FXN: variants seen among roughly 807,000 people sequenced by gnomAD.
FXN encodes frataxin, also known as frataxin, mitochondrial.
In FXN, 14 loss-of-function variants were observed where a neutral mutation model predicts 22.4. That is an observed-to-expected ratio of 0.62 (90% CI 0.41 to 0.98). The LOEUF (loss-of-function observed/expected upper bound fraction) is 0.98. FXN is among the 50% of genes least tolerant of loss of function. The pLI is 0.00. For synonymous variants in FXN, 120 were observed against 114.1 expected (o/e 1.05, Z -0.33); for missense variants, 267 against 268.4 (o/e 0.99, Z 0.04).
At chr9:69,058,341 C>T (rs1201041010) in intron 3 of FXN, among the ~76,000 whole-genome samples, 1 of 152,184 alleles carries the variant, frequency 6.6e-6, no homozygotes, top group Non-Finnish European at 1.5e-5. Flanking sequence ...CTAGTAAAAT[C>T]TGCCTGGAGA....
At chr9:69,070,579 G>A (rs1278804291) in intron 4 of FXN, among the ~76,000 whole-genome samples, 1 of 152,208 alleles carries the variant, frequency 6.6e-6, no homozygotes, top group Admixed American at 6.5e-5. Context: ...CAGTGCTGCT[G>A]CCTTTAAAGC....
chr9:69,073,964 A>G lies in FXN; in HGVS notation c.*1202A>G. On this transcript the variant is annotated 3_prime_UTR_variant, in exon 5 of 5. Coordinates refer to ENST00000484259, the MANE Select transcript of FXN (RefSeq NM_000144.5). ...TTTTGGAGGCCAAGGTGGGTGGATC[A>G]CCTGAGGTCAGGAGTTCAAGACCAG... The G allele has an allele frequency of 1.4e-6, 1 of 698,566 alleles. No homozygotes were observed. The highest frequency in any genetic ancestry group is 1.8e-6 in the Non-Finnish European group (1 of 568,542). 43.3% of individuals were successfully genotyped at this position (698,566 alleles called of 1,614,324 possible).
At chr9:69,038,711 G>A (rs531080693) in intron 1 of FXN, among the ~76,000 whole-genome samples, 44 of 151,688 alleles carry the variant, frequency 2.9e-4, no homozygotes, top group Admixed American at 9.2e-4. Flanking sequence ...CCAGCTACTC[G>A]GGAGGCTGAG....
chr9:69,044,303 G>A (rs1051021441), intron 1 of FXN, among the ~76,000 whole-genome samples: 1 of 152,152 alleles, frequency 6.6e-6, no homozygotes, highest in Non-Finnish European at 1.5e-5. Flanking sequence ...TCAAGCAGAT[G>A]GAGAACACTG....
intron 3 of FXN, among the ~76,000 whole-genome samples, chr9:69,061,572 GGTTA>G: frequency 6.6e-6 from 1 of 151,972 alleles, no homozygotes; most frequent in South Asian, 2.1e-4. Context: ...ACAATGTGCA[GGTTA>G]GTTACATATG....
chr9:69,076,059 T>C lies in FXN; in HGVS notation c.*3297T>C. The C allele has an allele frequency of 3.0e-6, 3 of 984,256 alleles. No individual in the cohort carries two copies. Among genetic ancestry groups the C allele is most frequent in the Non-Finnish European group, 3.6e-6 (3 of 828,900 alleles). 61.0% of individuals were successfully genotyped at this position (984,256 alleles called of 1,614,324 possible). On this transcript the variant is annotated 3_prime_UTR_variant, in exon 5 of 5. Coordinates refer to ENST00000484259, the MANE Select transcript of FXN (RefSeq NM_000144.5). ...TTGAGTGGGTAGAACCTCAGCCACA[T>C]AGAAAATAAAATGTTCTGGCATGAC...
At chr9:69,035,996 A>C in intron 1 of FXN, 49 bp downstream of exon 1, 1 of 1,308,158 alleles carries the variant, frequency 7.6e-7, no homozygotes, top group Non-Finnish European at 9.7e-7. Flanking sequence ...CGCGGGCCGC[A>C]CGCCGCACGC....
chr9:69,049,002 C>T (rs967262446), intron 2 of FXN, among the ~76,000 whole-genome samples: 3 of 152,196 alleles, frequency 2.0e-5, no homozygotes, highest in African/African-American at 7.2e-5. Flanking sequence ...GCATTCCTCC[C>T]CCAGCAGACT....
intron 1 of FXN, among the ~76,000 whole-genome samples, chr9:69,037,284 A>AGAAGAAGAAGAAGAAGAAGAAG (rs1554758734): frequency 2.8e-4 from 22 of 78,050 alleles, no homozygotes; most frequent in Non-Finnish European, 3.8e-4. Flanking sequence ...AAAAAAAAAA[A>AGAAGAAGAAGAAGAAGAAGAAG]AAGAAGAAGA....
intron 3 of FXN, among the ~76,000 whole-genome samples, chr9:69,056,674 G>T (rs910605231): frequency 3.3e-5 from 5 of 152,066 alleles, no homozygotes; most frequent in African/African-American, 4.8e-5. Flanking sequence ...CTAGTCAGTT[G>T]TGCTGAAACC....
rs1832314056 is a variant in FXN at position 69,073,648 on chromosome 9, G to A, written c.*886G>A. The A allele has an allele frequency of 2.0e-6, 2 of 985,346 alleles. No individual in the cohort carries two copies. The highest frequency in any genetic ancestry group is 9.4e-5 in the South Asian group (2 of 21,282). The allele number at this position is 985,346 out of a possible 1,614,324, so 61.0% of individuals were successfully genotyped here. A position where few individuals can be genotyped will look rare whatever the true frequency, so the allele number is the denominator to read the frequency against. ...CTAGACATAGTTCAGCCACAAAGTA[G>A]TTGTCCCTTTGTGGACAAGTTTCCC... On this transcript the variant is annotated 3_prime_UTR_variant, in exon 5 of 5. Transcript: ENST00000484259.
chr9:69,067,202 G>A (rs1402619246), intron 4 of FXN, among the ~76,000 whole-genome samples: 1 of 152,228 alleles, frequency 6.6e-6, no homozygotes, highest in Non-Finnish European at 1.5e-5. Flanking sequence ...CCCGCTCCGG[G>A]CCTCACCACC....
chr9:69,054,268 G>A lies in FXN; in HGVS notation c.384+1008G>A, dbSNP rs549602126. ...ACCCCCATCAGCCTTCCAAAGTTTT[G>A]GGATAACAGGCGTGAGCCACCAGGT... On this transcript the variant is annotated intron_variant, in intron 3 of 4. Transcript: ENST00000484259. 3.3e-5 allele frequency among the ~76,000 whole-genome samples: 5 copies of A among 152,236 alleles called. No individual in the cohort carries two copies. The South Asian group carries it at 1.0e-3, about 32-fold the overall frequency.
At chr9:69,042,055 A>G (rs1278930343) in intron 1 of FXN, among the ~76,000 whole-genome samples, 1 of 152,116 alleles carries the variant, frequency 6.6e-6, no homozygotes, top group Admixed American at 6.6e-5. Flanking sequence ...CCTGACCAAC[A>G]TGCTGAAACC....
chr9:69,039,346 G>C (rs1211308792), intron 1 of FXN, among the ~76,000 whole-genome samples: 1 of 152,072 alleles, frequency 6.6e-6, no homozygotes, highest in African/African-American at 2.4e-5. Context: ...CAGGTCCTCA[G>C]TCCCATTAGC....
chr9:69,051,472 C>T (rs1024306028), intron 2 of FXN, among the ~76,000 whole-genome samples: 1 of 151,190 alleles, frequency 6.6e-6, no homozygotes. Context: ...TGATATTATA[C>T]ATAAACCACA....
intron 1 of FXN, among the ~76,000 whole-genome samples, chr9:69,037,284 A>AGAAGAAGAAGAAGAAGAAGAAGAAGAAG (rs1554758734): frequency 1.3e-5 from 1 of 78,052 alleles, no homozygotes; most frequent in East Asian, 3.1e-4. Context: ...AAAAAAAAAA[A>AGAAGAAGAAGAAGAAGAAGAAGAAGAAG]AAGAAGAAGA....
intron 1 of FXN, 88 bp downstream of exon 1, chr9:69,036,035 G>T: frequency 1.8e-6 from 2 of 1,134,614 alleles, no homozygotes; most frequent in Non-Finnish European, 2.2e-6. Flanking sequence ...CGCACGCCGG[G>T]GTCGCTCCGG....
chr9:69,039,736 A>G (rs1415555275), intron 1 of FXN, among the ~76,000 whole-genome samples: 2 of 152,084 alleles, frequency 1.3e-5, no homozygotes, highest in Non-Finnish European at 2.9e-5. Flanking sequence ...CAGCTTCGAG[A>G]AGGAGATAAC....
Sources: gnomAD v4.1 joint callset for allele counts (sites outside exome capture counted in the v4.1 genomes callset) on GRCh38, gnomAD v4.1.1 for gene constraint, MANE v1.5 for transcripts, NCBI Gene and HGNC (gene_info 2026-07-23, HGNC 2026-07-21) for gene names.